SIGLEC12: variants seen among roughly 807,000 people sequenced by gnomAD.
The protein encoded by SIGLEC12 is sialic acid-binding Ig-like lectin 12.
Under a neutral mutation model 54.1 loss-of-function variants are expected in SIGLEC12, and 43 were observed. The observed-to-expected ratio is 0.80, with a 90% CI of 0.62 to 1.03. The LOEUF is 1.03. Ranked by LOEUF, SIGLEC12 falls within the 50% of genes least tolerant of loss-of-function variation. SIGLEC12 has a pLI of 0.00. For missense variants in SIGLEC12, 802 were observed against 735.2 expected (o/e 1.09, Z -1.05); for synonymous variants, 357 against 307.6 (o/e 1.16, Z -1.68).
chr19:51,499,954 G>A lies in SIGLEC12; in HGVS notation c.774C>T (p.Asn258=). ...GCACAGAGAGCTTGTCATATATGTA[G>A]TTCCATTTCCTGCTTCCTCTCTCCA... is the stretch of plus-strand genomic sequence containing the variant. ...FQVERGSRKW[N]YIYDKLSVHV... The change falls in exon 2 of 8, where the codon AAC becomes AAT. Residue 258 remains asparagine, a synonymous_variant. Coordinates refer to ENST00000291707, the MANE Select transcript of SIGLEC12 (RefSeq NM_053003.4). The A allele has an allele frequency of 6.2e-7, 1 of 1,613,792 alleles. No homozygotes were observed. Among genetic ancestry groups the A allele is most frequent in the South Asian group, 1.1e-5 (1 of 91,052 alleles).
chr19:51,501,793 C>T lies in SIGLEC12; in HGVS notation c.-60G>A. The T allele has an allele frequency of 6.7e-7, 1 of 1,488,596 alleles. No individual in the cohort carries two copies. The highest frequency in any genetic ancestry group is 9.0e-7 in the Non-Finnish European group (1 of 1,115,894). The allele number at this position is 1,488,596 out of a possible 1,614,324, so 92.2% of individuals were successfully genotyped here. On this transcript the variant is annotated 5_prime_UTR_variant, in exon 1 of 8. Transcript: ENST00000291707. Reference sequence around the variant, plus strand: ...AGTCTGTTCCTCAGGGTTCTTCTCTCAGGAACTGAGAACTCAAGATTTCGA... The same window carrying T: ...AGTCTGTTCCTCAGGGTTCTTCTCTTAGGAACTGAGAACTCAAGATTTCGA...
intron 3 of SIGLEC12, 78 bp downstream of exon 3, chr19:51,499,359 TC>T: frequency 6.5e-7 from 1 of 1,544,230 alleles, no homozygotes; most frequent in Non-Finnish European, 8.8e-7. Context: ...AGGACCCAGA[TC>T]CTTGAGTCTG....
At chr19:51,497,925 A>G in intron 5 of SIGLEC12, 93 bp downstream of exon 5, 2 of 1,533,880 alleles carry the variant, frequency 1.3e-6, no homozygotes, top group East Asian at 2.3e-5. Context: ...GAGGACTGTG[A>G]TGCTGTGGGT....
Position 51,501,736 on chromosome 19 carries a change from G to T in SIGLEC12, c.-3C>A, listed in dbSNP as rs192306330. 6.3e-7 allele frequency: 1 copy of T among 1,598,028 alleles called. No homozygotes were observed. The highest frequency in any genetic ancestry group is 8.5e-7 in the Non-Finnish European group (1 of 1,169,898). On this transcript the variant is annotated 5_prime_UTR_variant, in exon 1 of 8. Coordinates refer to ENST00000291707, the MANE Select transcript of SIGLEC12 (RefSeq NM_053003.4). ...AGCAGTAGCAGCAGCAGTAGCATGT[G>T]TCGGGTTGGAGGTGCCAGGGTTGCT...
At position 51,499,616 on chromosome 19, in the gene SIGLEC12, C is replaced by T. The variant is rs148225737; in HGVS notation, c.909G>A (p.Thr303=). The change falls in exon 3 of 8, where the codon ACG becomes ACA. Residue 303 remains threonine (T), a synonymous_variant. Transcript: ENST00000291707. ...CCCCCATCCAGGTGATCGTGGGGGG[C>T]GTCCCCTGTTCACAGGCCCAGGGCA... ...CSVPWACEQG[T]PPTITWMGAS... is the part of the protein sequence containing the mutation. The T allele has an allele frequency of 3.0e-4, 480 of 1,613,398 alleles. 3 individuals are homozygous for T. The African/African-American group carries it at 4.8e-3, about 16-fold the overall frequency.
rs777975503 is a variant in SIGLEC12 at position 51,491,779 on chromosome 19, C to A, written c.1650G>T (p.Pro550=). The change falls in exon 8 of 8, where the codon CCG becomes CCT. Residue 550 remains proline, a synonymous_variant. Coordinates refer to ENST00000291707, the MANE Select transcript of SIGLEC12 (RefSeq NM_053003.4). ...PADDSPPHHA[P]PALATPSPEE... Reference sequence around the variant, plus strand: ...CTGGGGAGGGGGTGGCCAGGGCTGGCGGAGCATGGTGTGGGGGGCTGTCAT... The same window carrying A: ...CTGGGGAGGGGGTGGCCAGGGCTGGAGGAGCATGGTGTGGGGGGCTGTCAT... 6.2e-7 allele frequency: 1 copy of A among 1,604,116 alleles called. No individual in the cohort carries two copies. Among genetic ancestry groups the A allele is most frequent in the Non-Finnish European group, 8.5e-7 (1 of 1,175,114 alleles).
Position 51,501,662 on chromosome 19 carries a change from GT to G in SIGLEC12, c.71del (p.Tyr24SerfsTer3), listed in dbSNP as rs1347110798. On this transcript the variant is annotated frameshift_variant, in exon 1 of 8. Transcript: ENST00000291707. LOFTEE classifies it high-confidence loss of function. ...GRVGAKEQKD[Y>X]LLTMQKSVTV... is the part of the protein sequence containing the mutation. ...TCACGGACTTCTGCATTGTCAGCAG[GT>G]AATCCTTCTGTTCCTTAGCCCCCAC... 1 of 1,614,032 alleles carries G rather than the reference GT, an allele frequency of 6.2e-7. No homozygotes were observed. The highest frequency in any genetic ancestry group is 8.5e-7 in the Non-Finnish European group (1 of 1,180,014).
In SIGLEC12 at chr19:51,499,547, C is replaced by A; in HGVS notation, c.978G>T (p.Met326Ile). ...SLDPTITRSS[M>I]LSLIPQPQDH... ...CCTGGGGCTGTGGGATGAGGCTGAGCATCGAGGAGCGAGTGATAGTGGGGT... is the reference window on the plus strand; with the variant it reads ...CCTGGGGCTGTGGGATGAGGCTGAGAATCGAGGAGCGAGTGATAGTGGGGT... The change falls in exon 3 of 8, where the codon ATG becomes ATT. Residue 326 changes from methionine (M) to isoleucine (I), a missense_variant. By Grantham distance (10) the Met-to-Ile change is conservative (BLOSUM62 1). Transcript: ENST00000291707. 6.2e-7 allele frequency: 1 copy of A among 1,610,870 alleles called. No homozygotes were observed.
In SIGLEC12 at chr19:51,499,609, T is replaced by C; in HGVS notation, c.916A>G (p.Thr306Ala). Reference protein sequence around the residue: ...PWACEQGTPPTITWMGASVSS... With the variant: ...PWACEQGTPPAITWMGASVSS... ...ACGGAGGCCCCCATCCAGGTGATCG[T>C]GGGGGGCGTCCCCTGTTCACAGGCC... Residue 306 changes from threonine to alanine, a missense_variant, in exon 3 of 8, where the codon ACG (threonine) becomes GCG (alanine). By Grantham distance (58) the Thr-to-Ala change is moderately conservative (BLOSUM62 0). Coordinates refer to ENST00000291707, the MANE Select transcript of SIGLEC12 (RefSeq NM_053003.4). The C allele has an allele frequency of 1.2e-6, 2 of 1,613,256 alleles. No individual in the cohort carries two copies. The highest frequency in any genetic ancestry group is 1.3e-5 in the African/African-American group (1 of 74,964).
At chr19:51,496,097 A>G (rs1241208133) in intron 7 of SIGLEC12, among the ~76,000 whole-genome samples, 2 of 152,250 alleles carry the variant, frequency 1.3e-5, no homozygotes, top group Non-Finnish European at 2.9e-5. Context: ...GCACAAAATT[A>G]AAAGGGTGCC....
chr19:51,497,360 G>T lies in SIGLEC12; in HGVS notation c.1491C>A (p.Ile497=). 6.2e-7 allele frequency: 1 copy of T among 1,613,174 alleles called. No individual in the cohort carries two copies. The highest frequency in any genetic ancestry group is 1.3e-5 in the African/African-American group (1 of 75,002). ...GGGTCAATGCTCACACAACGAAGAT[G>T]ATGCAGAAGTACAGGAAGACCAGGG... ...ATALVFLYFC[I]IFVVVRSCRK... The change falls in exon 6 of 8, where the codon ATC becomes ATA. Residue 497 remains isoleucine (I), a synonymous_variant. Transcript: ENST00000291707.
In SIGLEC12 at chr19:51,497,385, G is replaced by A; in HGVS notation, c.1466C>T (p.Ala489Val). Residue 489 changes from alanine (A) to valine (V), a missense_variant, in exon 6 of 8, where the codon GCC becomes GTC. Transcript: ENST00000291707. ...LGAFGGAGAT[A>V]LVFLYFCIIF... The stretch of plus-strand genomic sequence containing the variant: ...GATGCAGAAGTACAGGAAGACCAGG[G>A]CTGTGGCTCCAGCTCCCCCGAATGC... 6.2e-7 allele frequency: 1 copy of A among 1,613,284 alleles called. No individual in the cohort carries two copies. Among genetic ancestry groups the A allele is most frequent in the South Asian group, 1.1e-5 (1 of 91,054 alleles).
chr19:51,495,371 GGA>G (rs1990212876), intron 7 of SIGLEC12, among the ~76,000 whole-genome samples: 3 of 98,542 alleles, frequency 3.0e-5, no homozygotes, highest in African/African-American at 1.2e-4. Context: ...GTGGGTGGAT[GGA>G]TGGATGGATG....
At position 51,498,031 on chromosome 19, in the gene SIGLEC12, T is replaced by C. The variant is rs1181712251; in HGVS notation, c.1392A>G (p.Gln464=). The change falls in exon 5 of 8, where the codon CAA becomes CAG. Residue 464 remains glutamine, a synonymous_variant. Transcript: ENST00000291707. The part of the protein sequence containing the change: ...SQHISLSLSL[Q]NEYTGKMRPI... ...TCCCCTACCCACCTGTGTACTCGTTTTGCAGGGAGAGGCTCAGGGAAATGT... is the reference window on the plus strand; with the variant it reads ...TCCCCTACCCACCTGTGTACTCGTTCTGCAGGGAGAGGCTCAGGGAAATGT... 1.9e-6 allele frequency: 3 copies of C among 1,614,112 alleles called. No homozygotes were observed. The East Asian group carries it at 6.7e-5, about 36-fold the overall frequency.
chr19:51,495,000 T>C (rs1295175262), intron 7 of SIGLEC12, among the ~76,000 whole-genome samples: 3 of 152,206 alleles, frequency 2.0e-5, no homozygotes, highest in Middle Eastern at 3.2e-3. Context: ...GCGGAGTTAT[T>C]GTTCAACGAA....
intron 7 of SIGLEC12, among the ~76,000 whole-genome samples, chr19:51,495,041 G>A (rs190365127): frequency 6.6e-6 from 1 of 152,262 alleles, no homozygotes; most frequent in Admixed American, 6.5e-5. Context: ...AGATAAAAGG[G>A]TTCTAGAGAT....
Position 51,491,582 on chromosome 19 carries a change from C to T in SIGLEC12, c.*59G>A. 6.6e-7 allele frequency: 1 copy of T among 1,522,482 alleles called. No homozygotes were observed. Among genetic ancestry groups the T allele is most frequent in the Non-Finnish European group, 9.1e-7 (1 of 1,099,674 alleles). 94.3% of individuals were successfully genotyped at this position (1,522,482 alleles called of 1,614,324 possible). A position where few individuals can be genotyped will look rare whatever the true frequency, so the allele number is the denominator to read the frequency against. On this transcript the variant is annotated 3_prime_UTR_variant, in exon 8 of 8. Transcript: ENST00000291707. Reference sequence around the variant, plus strand: ...CTGTTAATTCTAAAGGAATCAGTCTCGGGCTTCTTTGCTGCAGGGGTCGTG... The same window carrying T: ...CTGTTAATTCTAAAGGAATCAGTCTTGGGCTTCTTTGCTGCAGGGGTCGTG...
intron 7 of SIGLEC12, among the ~76,000 whole-genome samples, chr19:51,493,166 G>T (rs185174639): frequency 1.6e-3 from 239 of 148,978 alleles, no homozygotes; most frequent in Admixed American, 3.9e-3. Flanking sequence ...CCAAATGTCC[G>T]TCTTGCAGTC....
chr19:51,497,041 C>T (rs1990260293), intron 6 of SIGLEC12, 65 bp from the exon 7 acceptor site: 3 of 1,610,364 alleles, frequency 1.9e-6, no homozygotes, highest in Non-Finnish European at 2.5e-6. Flanking sequence ...CAGACCAACC[C>T]CTGCCCTGTA....
Sources: allele counts gnomAD v4.1 joint callset (sites outside exome capture counted in the v4.1 genomes callset), GRCh38; gene constraint gnomAD v4.1.1; transcripts MANE v1.5; gene names NCBI Gene and HGNC (gene_info 2026-07-23, HGNC 2026-07-21).